ATOSA: variants seen among roughly 807,000 people sequenced by gnomAD.
ATOSA encodes atos homolog A, also known as atos homolog protein A.
the ATOSA span, among the ~76,000 whole-genome samples, chr15:52,612,526 T>TG: frequency 7.2e-6 from 1 of 139,248 alleles, no homozygotes; most frequent in Non-Finnish European, 1.5e-5. Flanking sequence ...TTTTTTGAGA[T>TG]GGAGTCTCAC....
chr15:52,670,086 T>C, the ATOSA span, among the ~76,000 whole-genome samples: 17 of 152,222 alleles, frequency 1.1e-4, no homozygotes, highest in African/African-American at 3.4e-4. Flanking sequence ...CTCCATTGCA[T>C]TTGCATTAAA....
the ATOSA span, among the ~76,000 whole-genome samples, chr15:52,675,325 G>A: frequency 6.6e-6 from 1 of 152,066 alleles, no homozygotes; most frequent in Non-Finnish European, 1.5e-5. Context: ...GAGGCTGTAG[G>A]GAGCAGAATT....
the ATOSA span, among the ~76,000 whole-genome samples, chr15:52,692,037 A>G: frequency 1.3e-5 from 2 of 152,048 alleles, no homozygotes; most frequent in African/African-American, 2.4e-5. Context: ...TTCATTTTAG[A>G]TCAACATAAT....
the ATOSA span, among the ~76,000 whole-genome samples, chr15:52,620,984 G>A: frequency 2.0e-5 from 3 of 152,082 alleles, no homozygotes; most frequent in East Asian, 5.8e-4. Flanking sequence ...TTCATGATGC[G>A]CAATCGAGTA....
At chr15:52,609,263 C>T in the ATOSA span, 6 of 1,613,694 alleles carry the variant, frequency 3.7e-6, no homozygotes, top group Non-Finnish European at 5.1e-6. Context: ...CTGATGTCTC[C>T]TAACAAGGAA....
At chr15:52,628,665 ATTT>A in the ATOSA span, among the ~76,000 whole-genome samples, 1 of 152,206 alleles carries the variant, frequency 6.6e-6, no homozygotes, top group Non-Finnish European at 1.5e-5. Context: ...TTTTAATGTT[ATTT>A]AAACTCCTCA....
chr15:52,662,769 C>CAAA, the ATOSA span, among the ~76,000 whole-genome samples: 1 of 79,038 alleles, frequency 1.3e-5, no homozygotes, highest in Non-Finnish European at 2.9e-5. Context: ...GACTCCGTCT[C>CAAA]AAAAAAAAAA....
the ATOSA span, chr15:52,610,101 T>C: frequency 6.2e-7 from 1 of 1,614,046 alleles, no homozygotes; most frequent in African/African-American, 1.3e-5. Context: ...TGGTCCAAGT[T>C]TGTTTGCTAC....
At chr15:52,678,007 T>G in the ATOSA span, 3 of 1,614,054 alleles carry the variant, frequency 1.9e-6, no homozygotes, top group Non-Finnish European at 8.5e-7. Context: ...ATCATTTACC[T>G]CGGTCTGGCT....
At chr15:52,636,282 G>C in the ATOSA span, among the ~76,000 whole-genome samples, 6,981 of 151,934 alleles carry the variant, frequency 0.046, 439 homozygotes, top group African/African-American at 0.15. Context: ...TATTTGGAAA[G>C]TAAATGACTG....
chr15:52,596,760 A>C, the ATOSA span, among the ~76,000 whole-genome samples: 1 of 152,226 alleles, frequency 6.6e-6, no homozygotes, highest in African/African-American at 2.4e-5. Context: ...TAGTGTAAAG[A>C]AGCCTTGGGC....
chr15:52,662,474 A>C, the ATOSA span, among the ~76,000 whole-genome samples: 5 of 152,206 alleles, frequency 3.3e-5, no homozygotes, highest in Non-Finnish European at 7.3e-5. Flanking sequence ...GAGTATTATA[A>C]AACAACAGAC....
At chr15:52,663,599 T>C in the ATOSA span, among the ~76,000 whole-genome samples, 47 of 92,846 alleles carry the variant, frequency 5.1e-4, no homozygotes, top group African/African-American at 1.2e-3. Context: ...AGATGACACA[T>C]ATTACATTAA....
the ATOSA span, among the ~76,000 whole-genome samples, chr15:52,687,256 T>C: frequency 6.6e-6 from 1 of 152,068 alleles, no homozygotes; most frequent in Non-Finnish European, 1.5e-5. Flanking sequence ...ATACAAAAAA[T>C]TCTCCGGTCG....
At chr15:52,590,609 G>C in the ATOSA span, 2 of 152,170 alleles carry the variant, frequency 1.3e-5, no homozygotes, top group Non-Finnish European at 2.9e-5. Flanking sequence ...AGTGTTTTAT[G>C]TCTTCGCTCT....
chr15:52,640,387 G>A, the ATOSA span, among the ~76,000 whole-genome samples: 1 of 151,520 alleles, frequency 6.6e-6, no homozygotes, highest in Non-Finnish European at 1.5e-5. Context: ...CCAACATGGT[G>A]AAAACCCGAC....
chr15:52,609,606 G>C, the ATOSA span: 13 of 1,612,570 alleles, frequency 8.1e-6, no homozygotes, highest in African/African-American at 1.5e-4. Flanking sequence ...TGTCTTCTGG[G>C]GAACTAAACT....
the ATOSA span, among the ~76,000 whole-genome samples, chr15:52,661,103 C>T: frequency 6.6e-6 from 1 of 152,070 alleles, no homozygotes. Context: ...TTAGTTTATA[C>T]CATTTCCTGA....
At chr15:52,691,032 C>G in the ATOSA span, among the ~76,000 whole-genome samples, 1 of 152,102 alleles carries the variant, frequency 6.6e-6, no homozygotes, top group East Asian at 1.9e-4. Context: ...GAATGAATGT[C>G]TTTCCCAGTA....
Sources: gnomAD v4.1 joint callset for allele counts (sites outside exome capture counted in the v4.1 genomes callset) on GRCh38, gnomAD v4.1.1 for gene constraint, MANE v1.5 for transcripts, NCBI Gene and HGNC (gene_info 2026-07-23, HGNC 2026-07-21) for gene names.